Variants in LSM14A observed in about 807,000 individuals in gnomAD.
LSM14A encodes the protein LSM14A mRNA processing body assembly factor, also known as protein LSM14 homolog A.
In LSM14A, 14 loss-of-function variants were observed where a neutral mutation model predicts 52.4. The ratio of observed to expected loss-of-function variants is 0.27; its 90% CI spans 0.18 to 0.42. The LOEUF is 0.42. LSM14A is among the 10% of genes least tolerant of loss of function. LSM14A has a pLI of 1.00. For synonymous variants in LSM14A, 185 were observed against 200.3 expected (o/e 0.92, Z 0.64); for missense variants, 417 against 581.8 (o/e 0.72, Z 2.91).
At chr19:34,179,062 A>G (rs966795632) in intron 1 of LSM14A, among the ~76,000 whole-genome samples, 1 of 152,240 alleles carries the variant, frequency 6.6e-6, no homozygotes, top group Non-Finnish European at 1.5e-5. Flanking sequence ...TAAAAAATAA[A>G]TTCTTACATT....
At chr19:34,221,863 TTTCAG>T (rs1418555597) in intron 9 of LSM14A, 125 bp downstream of exon 9, 2 of 1,444,634 alleles carry the variant, frequency 1.4e-6, no homozygotes, top group East Asian at 2.5e-5. Context: ...CATTTTGACT[TTTCAG>T]TAGAGGATAT....
chr19:34,194,474 C>G lies in LSM14A; in HGVS notation c.122-4C>G, dbSNP rs1219407842. The G allele has an allele frequency of 6.2e-7, 1 of 1,613,256 alleles. No homozygotes were observed. The highest frequency in any genetic ancestry group is 1.3e-5 in the African/African-American group (1 of 74,864). On this transcript the variant is annotated splice_region_variant and splice_polypyrimidine_tract_variant and intron_variant, in intron 1 of 9. Coordinates refer to ENST00000544216, the MANE Select transcript of LSM14A (RefSeq NM_015578.4). ...ACATCTCATATCCTTTGTTTTCTTG[C>G]CAGTTCGATCCTTTGGTACAGAAGA...
rs534952797 is a variant in LSM14A, at chr19:34,228,345, G to A, written c.*957G>A. 14 of 152,714 alleles carry A rather than the reference G, an allele frequency of 9.2e-5. No individual in the cohort carries two copies. Among genetic ancestry groups the A allele is most frequent in the Admixed American group, 5.2e-4 (8 of 15,294 alleles). 9.5% of individuals were successfully genotyped at this position (152,714 alleles called of 1,614,324 possible). ...TAATCGATATTTTCAGTATACAAAT[G>A]TAAATAATCACAGATGAGAATGTAC... On this transcript the variant is annotated 3_prime_UTR_variant, in exon 10 of 10. Coordinates refer to ENST00000544216, the MANE Select transcript of LSM14A (RefSeq NM_015578.4).
chr19:34,223,352 TG>T (rs1430969512), intron 9 of LSM14A, among the ~76,000 whole-genome samples: 2 of 152,170 alleles, frequency 1.3e-5, no homozygotes, highest in Admixed American at 6.5e-5. Flanking sequence ...CTTCCCAAAG[TG>T]CTGGGTTTAT....
intron 9 of LSM14A, among the ~76,000 whole-genome samples, chr19:34,223,546 T>A (rs1383673642): frequency 1.3e-5 from 2 of 152,238 alleles, no homozygotes; most frequent in Non-Finnish European, 2.9e-5. Flanking sequence ...CCATGTTGGC[T>A]CATGGTATAC....
chr19:34,227,230 T>C, intron 9 of LSM14A, 135 bp from the exon 10 acceptor site: 1 of 668,750 alleles, frequency 1.5e-6, no homozygotes, highest in Admixed American at 3.0e-5. Flanking sequence ...TGGAAATGAG[T>C]GAGACAGGTT....
At position 34,227,502 on chromosome 19, in the gene LSM14A, C is replaced by A; in HGVS notation, c.*114C>A. The A allele has an allele frequency of 1.3e-6, 1 of 795,698 alleles. No homozygotes were observed. The highest frequency in any genetic ancestry group is 2.0e-6 in the Non-Finnish European group (1 of 506,418). 49.3% of individuals were successfully genotyped at this position (795,698 alleles called of 1,614,324 possible). On this transcript the variant is annotated 3_prime_UTR_variant, in exon 10 of 10. Transcript: ENST00000544216. ...GAATTCGCTGTACATTTGTCACCAG[C>A]ACTGGGTTTTTGTTTTTTGTTTGTT...
chr19:34,200,166 G>A (rs941302142), intron 3 of LSM14A, among the ~76,000 whole-genome samples: 5 of 152,298 alleles, frequency 3.3e-5, no homozygotes, highest in Admixed American at 6.5e-5. Context: ...GTTGTTTTGC[G>A]AGACAGTTAT....
chr19:34,192,632 C>CAAAAAAAAAA (rs548374017), intron 1 of LSM14A, among the ~76,000 whole-genome samples: 6 of 76,948 alleles, frequency 7.8e-5, no homozygotes, highest in African/African-American at 1.5e-4. Flanking sequence ...ATCAGTTCTG[C>CAAAAAAAAAA]AAAAAAAAAA....
intron 1 of LSM14A, among the ~76,000 whole-genome samples, chr19:34,184,948 A>G (rs2145555304): frequency 6.6e-6 from 1 of 152,352 alleles, no homozygotes; most frequent in Non-Finnish European, 1.5e-5. Flanking sequence ...GAAGATGTTA[A>G]GGCTATCTGT....
In LSM14A at chr19:34,202,330, CA is replaced by C. The variant is rs904493119; in HGVS notation, c.415+5580del. On this transcript the variant is annotated intron_variant, in intron 3 of 9. Coordinates refer to ENST00000544216, the MANE Select transcript of LSM14A (RefSeq NM_015578.4). ...GCAACATAGCTAAACCCTGGCTCTACAAAAAAAAAAAAATTAGGCAAGCATG... is the reference window on the plus strand; with the variant it reads ...GCAACATAGCTAAACCCTGGCTCTACAAAAAAAAAAAATTAGGCAAGCATG... Among the ~76,000 whole-genome samples the C allele has an allele frequency of 2.4e-3, 306 of 128,360 alleles. 1 individual carries two copies. Among genetic ancestry groups the C allele is most frequent in the Middle Eastern group, 3.8e-3 (1 of 262 alleles). 84.2% of individuals were successfully genotyped at this position (128,360 alleles called of 152,430 possible). A position where few individuals can be genotyped will look rare whatever the true frequency, so the allele number is the denominator to read the frequency against.
chr19:34,208,780 C>G, intron 3 of LSM14A, 149 bp from the exon 4 acceptor site: 1 of 609,490 alleles, frequency 1.6e-6, no homozygotes, highest in Admixed American at 3.1e-5. Context: ...CTATTCAGTA[C>G]ACTTTAATTT....
At chr19:34,191,782 G>C (rs1354561483) in intron 1 of LSM14A, among the ~76,000 whole-genome samples, 1 of 152,166 alleles carries the variant, frequency 6.6e-6, no homozygotes, top group Non-Finnish European at 1.5e-5. Context: ...TGCTACTTTG[G>C]AAGCATGAGA....
rs2145870939 is a variant in LSM14A, at chr19:34,219,842, A to G, written c.1101A>G (p.Lys367=). The change falls in exon 8 of 10, where the codon AAA becomes AAG. Residue 367 remains lysine, a synonymous_variant. Transcript: ENST00000544216. ...LGPNCYYDKT[K]SFFDNISCDD... ...CTAATTGCTATTATGACAAAACTAA[A>G]TCCTTCTTTGATAATATTTCTTGTG... 6.2e-7 allele frequency: 1 copy of G among 1,612,424 alleles called. No homozygotes were observed. Among genetic ancestry groups the G allele is most frequent in the South Asian group, 1.1e-5 (1 of 90,820 alleles).
intron 4 of LSM14A, among the ~76,000 whole-genome samples, chr19:34,214,923 T>A (rs965192580): frequency 2.0e-5 from 3 of 151,858 alleles, no homozygotes; most frequent in East Asian, 3.9e-4. Flanking sequence ...TTTTTTAAAT[T>A]ATTATTATTT....
intron 1 of LSM14A, among the ~76,000 whole-genome samples, chr19:34,181,359 C>T (rs185131274): frequency 1.3e-3 from 197 of 152,300 alleles, no homozygotes; most frequent in African/African-American, 4.4e-3. Flanking sequence ...CCCTTTATAG[C>T]GAAACCCCTT....
At chr19:34,223,864 C>T (rs536184936) in intron 9 of LSM14A, among the ~76,000 whole-genome samples, 1 of 152,188 alleles carries the variant, frequency 6.6e-6, no homozygotes, top group African/African-American at 2.4e-5. Context: ...TAAAGAGTTG[C>T]ACCATTTATT....
At chr19:34,197,089 G>A (rs952946314) in intron 3 of LSM14A, among the ~76,000 whole-genome samples, 1 of 151,602 alleles carries the variant, frequency 6.6e-6, no homozygotes, top group East Asian at 1.9e-4. Flanking sequence ...ATTGGTAATT[G>A]GTTTTGTTTT....
At chr19:34,200,453 A>G (rs1480086170) in intron 3 of LSM14A, among the ~76,000 whole-genome samples, 1 of 152,172 alleles carries the variant, frequency 6.6e-6, no homozygotes, top group Non-Finnish European at 1.5e-5. Flanking sequence ...TCATATGGGA[A>G]AGTGTTTTTG....
Sources: allele counts gnomAD v4.1 joint callset (sites outside exome capture counted in the v4.1 genomes callset), GRCh38; gene constraint gnomAD v4.1.1; transcripts MANE v1.5; gene names NCBI Gene and HGNC (gene_info 2026-07-23, HGNC 2026-07-21).